Variants in RAET1L observed in about 807,000 individuals in gnomAD.
RAET1L encodes UL16-binding protein 6.
RAET1L carries 16 observed loss-of-function variants against 23.9 expected under a neutral mutation model. The observed-to-expected ratio is 0.67, with a 90% confidence interval of 0.45 to 1.02. The LOEUF (loss-of-function observed/expected upper bound fraction) is 1.02, where lower values mean the gene tolerates loss of function less well. Among genes scored for constraint, RAET1L ranks in the 50% least tolerant of loss-of-function variants. The probability of loss-of-function intolerance (pLI) is 0.00; values close to 1 mark genes in which losing one functional copy is unlikely to be tolerated. For synonymous variants in RAET1L, 70 were observed against 111.2 expected, an observed-to-expected ratio of 0.63 and a Z score of 2.33; for missense variants, 233 against 304.0, an observed-to-expected ratio of 0.77 and a Z score of 1.74.
chr6:150,023,547 G>C (rs1481786964), intron 1 of RAET1L, among the ~76,000 whole-genome samples: 4 of 152,180 alleles, frequency 2.6e-5, no homozygotes, highest in Non-Finnish European at 4.4e-5. Flanking sequence ...ACATGTAAAG[G>C]TGTTCAGGGA....
At chr6:150,025,055 G>A (rs1315094034) in intron 1 of RAET1L, among the ~76,000 whole-genome samples, 11 of 151,456 alleles carry the variant, frequency 7.3e-5, no homozygotes, top group African/African-American at 2.4e-4. Context: ...CTCTGTTCCC[G>A]GGGGGGCTCT....
chr6:150,025,221 G>T (rs910221862), intron 1 of RAET1L, among the ~76,000 whole-genome samples, 166 bp downstream of exon 1: 2 of 152,228 alleles, frequency 1.3e-5, no homozygotes, highest in African/African-American at 4.8e-5. Flanking sequence ...CAGCCTTGGG[G>T]AGTGGACCCG....
At chr6:150,019,016 C>T (rs958338980) in intron 4 of RAET1L, among the ~76,000 whole-genome samples, 161 bp from the exon 5 acceptor site, 7 of 152,228 alleles carry the variant, frequency 4.6e-5, no homozygotes, top group Non-Finnish European at 8.8e-5. Context: ...GGACCTACCT[C>T]TTTCCTCCTT....
chr6:150,025,322 C>G (rs1343470445), intron 1 of RAET1L, 65 bp downstream of exon 1: 1 of 1,393,862 alleles, frequency 7.2e-7, no homozygotes, highest in Non-Finnish European at 1.0e-6. Context: ...CCTCTGAAAC[C>G]CGCTGCAGTC....
intron 1 of RAET1L, among the ~76,000 whole-genome samples, chr6:150,024,921 G>A (rs1414960391): frequency 6.6e-6 from 1 of 152,120 alleles, no homozygotes; most frequent in African/African-American, 2.4e-5. Context: ...AAGGCAGGGA[G>A]TCCTGGGGGT....
intron 3 of RAET1L, 34 bp downstream of exon 3, chr6:150,020,871 C>T (rs1360095537): frequency 1.2e-6 from 2 of 1,610,760 alleles, no homozygotes; most frequent in Non-Finnish European, 8.5e-7. Flanking sequence ...TTTCTGATCT[C>T]ATTTAAGATC....
At chr6:150,023,620 C>A (rs1028283499) in intron 1 of RAET1L, among the ~76,000 whole-genome samples, 1 of 152,192 alleles carries the variant, frequency 6.6e-6, no homozygotes, top group African/African-American at 2.4e-5. Flanking sequence ...CATAGACAAT[C>A]CATGAATGAT....
rs750629393 is a variant in RAET1L at position 150,021,597 on chromosome 6, C to CTTTT, written c.349+379_349+382dup. 1.9e-4 allele frequency among the ~76,000 whole-genome samples: 18 copies of CTTTT among 92,626 alleles called. 1 individual carries two copies. The highest frequency in any genetic ancestry group is 1.3e-3 in the South Asian group (3 of 2,394). 60.8% of individuals were successfully genotyped at this position (92,626 alleles called of 152,430 possible). On this transcript the variant is annotated intron_variant, in intron 2 of 4. Coordinates refer to ENST00000367341, the MANE Select transcript of RAET1L (RefSeq NM_130900.3). ...TACAGGCTTGAGCCACTGCACCTGG[C>CTTTT]TTTTTTTTTTTTTTTTGAGACAAAG...
At chr6:150,025,271 A>C (rs1248270442) in intron 1 of RAET1L, 116 bp downstream of exon 1, 24 of 803,270 alleles carry the variant, frequency 3.0e-5, no homozygotes, top group Non-Finnish European at 3.2e-5. Context: ...CTGGGGGCGC[A>C]GTTCGGGGAG....
Position 150,025,434 on chromosome 6 carries a change from A to G in RAET1L, c.38T>C (p.Leu13Pro), listed in dbSNP as rs1582850182. ...GCCGAACAGCAGGAACAGAAGCGGG[A>G]GGCACAGAAGCAAAGCTGGGATGGC... ...AAAIPALLLC[L>P]PLLFLLFGWS... Residue 13 changes from leucine (L) to proline (P), a missense_variant, in exon 1 of 5, where the codon CTC (leucine) becomes CCC (proline). This residue lies in a region of RAET1L where 42 missense variants were observed against 35.0 expected (regional missense o/e 1.20). Coordinates refer to ENST00000367341, the MANE Select transcript of RAET1L (RefSeq NM_130900.3). 6.2e-7 allele frequency: 1 copy of G among 1,613,916 alleles called. No homozygotes were observed. Among genetic ancestry groups the G allele is most frequent in the Non-Finnish European group, 8.5e-7 (1 of 1,179,914 alleles).
At chr6:150,024,495 G>A (rs953526531) in intron 1 of RAET1L, among the ~76,000 whole-genome samples, 4 of 151,476 alleles carry the variant, frequency 2.6e-5, no homozygotes, top group Admixed American at 6.6e-5. Flanking sequence ...TCTAGAAAGG[G>A]TTTGCTGACC....
At chr6:150,023,592 T>A (rs1779911964) in intron 1 of RAET1L, among the ~76,000 whole-genome samples, 2 of 152,212 alleles carry the variant, frequency 1.3e-5, no homozygotes, top group African/African-American at 2.4e-5. Context: ...AACTCTGCTG[T>A]TGAAGCTCAA....
chr6:150,019,692 T>C (rs1779863211), intron 4 of RAET1L, among the ~76,000 whole-genome samples: 1 of 145,152 alleles, frequency 6.9e-6, no homozygotes, highest in Admixed American at 6.9e-5. Flanking sequence ...GGAATCCCCC[T>C]TCCCCTGTCA....
intron 1 of RAET1L, among the ~76,000 whole-genome samples, chr6:150,024,544 C>G (rs1779924698): frequency 6.6e-6 from 1 of 150,540 alleles, no homozygotes; most frequent in Admixed American, 6.6e-5. Flanking sequence ...ACGCTGACAC[C>G]CCCGTAGGAA....
At chr6:150,025,281 G>T in intron 1 of RAET1L, 106 bp downstream of exon 1, 3 of 911,924 alleles carry the variant, frequency 3.3e-6, no homozygotes, top group East Asian at 5.2e-5. Flanking sequence ...AGTTCGGGGA[G>T]ATCTCCCTTG....
At position 150,024,679 on chromosome 6, in the gene RAET1L, G is replaced by T. The variant is rs553346979; in HGVS notation, c.85+708C>A. On this transcript the variant is annotated intron_variant, in intron 1 of 4. Transcript: ENST00000367341. The stretch of plus-strand genomic sequence containing the variant: ...ACAGGTTCTGAGGGGAGCTTGGGGT[G>T]TGTTTGTTGGGGTGTGTCCTCAGGC... 2.1e-3 allele frequency among the ~76,000 whole-genome samples: 314 copies of T among 152,252 alleles called. 1 individual carries two copies. The highest frequency in any genetic ancestry group is 7.3e-3 in the African/African-American group (304 of 41,520).
intron 2 of RAET1L, among the ~76,000 whole-genome samples, 185 bp from the exon 3 acceptor site, chr6:150,021,371 G>T (rs1256833362): frequency 7.3e-6 from 1 of 137,010 alleles, no homozygotes; most frequent in Non-Finnish European, 1.6e-5. Context: ...GTCTCGCTCT[G>T]TCACCCAGGC....
chr6:150,025,361 C>T, intron 1 of RAET1L, 26 bp downstream of exon 1: 2 of 1,605,302 alleles, frequency 1.2e-6, no homozygotes, highest in South Asian at 1.1e-5. Flanking sequence ...GCCCCCGCCC[C>T]GCTTAGGCTC....
chr6:150,018,719 G>A lies in RAET1L; in HGVS notation c.*159C>T, dbSNP rs1045121207. 1 of 167,574 alleles carries A rather than the reference G, an allele frequency of 6.0e-6. No homozygotes were observed. Among genetic ancestry groups the A allele is most frequent in the African/African-American group, 2.4e-5 (1 of 41,638 alleles). 10.4% of individuals were successfully genotyped at this position (167,574 alleles called of 1,614,324 possible). On this transcript the variant is annotated 3_prime_UTR_variant, in exon 5 of 5. Transcript: ENST00000367341. Reference sequence around the variant, plus strand: ...CAAAAGGAATCAAGGCAGTGAATGAGCTATTGGGTCCATGGTGTCATCATC... The same window carrying A: ...CAAAAGGAATCAAGGCAGTGAATGAACTATTGGGTCCATGGTGTCATCATC...
Sources: gnomAD v4.1 joint callset for allele counts (sites outside exome capture counted in the v4.1 genomes callset) on GRCh38, gnomAD v4.1.1 for gene constraint, gnomAD v4.1.1 regional missense constraint, MANE v1.5 for transcripts, NCBI Gene and HGNC (gene_info 2026-07-23, HGNC 2026-07-21) for gene names.